The following ZNF713 variants were observed in gnomAD, a reference collection of about 807,000 sequenced individuals.
The protein encoded by ZNF713 is zinc finger protein 713.
ZNF713 carries 21 observed loss-of-function variants against 28.7 expected under a neutral mutation model. The ratio of observed to expected loss-of-function variants is 0.73; its 90% CI spans 0.52 to 1.05. The LOEUF is 1.05. Among genes scored for constraint, ZNF713 ranks in the 50% least tolerant of loss-of-function variants. The pLI is 0.00. For missense variants in ZNF713, 458 were observed against 532.4 expected (o/e 0.86, Z 1.37); for synonymous variants, 167 against 178.0 (o/e 0.94, Z 0.49).
At chr7:55,901,350 G>C (rs1211011174) in intron 1 of ZNF713, among the ~76,000 whole-genome samples, 1 of 152,128 alleles carries the variant, frequency 6.6e-6, no homozygotes, top group Non-Finnish European at 1.5e-5. Flanking sequence ...GCATGGAAGA[G>C]ACCTGCCCCC....
At chr7:55,898,645 A>AT (rs1785517378) in intron 1 of ZNF713, among the ~76,000 whole-genome samples, 1 of 152,214 alleles carries the variant, frequency 6.6e-6, no homozygotes, top group East Asian at 1.9e-4. Flanking sequence ...CCAATTCAAC[A>AT]TGAAATTTCA....
intron 6 of ZNF713, among the ~76,000 whole-genome samples, chr7:55,925,323 G>A (rs1213672025): frequency 1.3e-5 from 2 of 152,096 alleles, no homozygotes; most frequent in African/African-American, 4.8e-5. Context: ...GTGATCTTAG[G>A]TAGAAAACCT....
intron 4 of ZNF713, among the ~76,000 whole-genome samples, chr7:55,914,260 G>T (rs374462895): frequency 6.6e-6 from 1 of 151,898 alleles, no homozygotes; most frequent in Non-Finnish European, 1.5e-5. Context: ...ATCAGATACC[G>T]GTCTCAATTG....
chr7:55,926,303 C>CT (rs1445377506), intron 6 of ZNF713, among the ~76,000 whole-genome samples: 1 of 152,192 alleles, frequency 6.6e-6, no homozygotes, highest in Non-Finnish European at 1.5e-5. Context: ...GAGCGAGACT[C>CT]TGTCTCCAAA....
chr7:55,907,581 A>G (rs1481069920), intron 2 of ZNF713, among the ~76,000 whole-genome samples: 4 of 152,262 alleles, frequency 2.6e-5, no homozygotes, highest in African/African-American at 4.8e-5. Flanking sequence ...TGCACCTAGT[A>G]GGTAATCTTT....
Position 55,892,318 on chromosome 7 carries a change from G to A in ZNF713, c.-583+4638G>A, listed in dbSNP as rs139092520. Among the ~76,000 whole-genome samples the A allele has an allele frequency of 9.0e-4, 131 of 145,990 alleles. 2 individuals are homozygous for A. The highest frequency in any genetic ancestry group is 3.1e-3 in the African/African-American group (123 of 39,278). ...AAAAAAAAAAAACCCCAGGAACAAC[G>A]TGTGAGAGATTTGTGTTCGTGCCAT... On this transcript the variant is annotated intron_variant, in intron 1 of 6. Transcript: ENST00000429591.
intron 4 of ZNF713, among the ~76,000 whole-genome samples, chr7:55,915,775 G>A (rs73132862): frequency 0.025 from 3,758 of 152,282 alleles, 58 homozygotes; most frequent in Non-Finnish European, 0.042. Flanking sequence ...AATACACAAA[G>A]CCTGTGGCCA....
Position 55,923,588 on chromosome 7 carries a change from A to G in ZNF713, c.215-19A>G. ...TTCCCAGTACAAACTCCTAAGATGT[A>G]TGTTACTCCTGTGAATAGGGTATCA... On this transcript the variant is annotated intron_variant, in intron 5 of 6. Coordinates refer to ENST00000429591, the MANE Select transcript of ZNF713 (RefSeq NM_182633.3). The G allele has an allele frequency of 6.4e-7, 1 of 1,569,970 alleles. No individual in the cohort carries two copies. The highest frequency in any genetic ancestry group is 2.3e-5 in the East Asian group (1 of 42,952).
In ZNF713 at chr7:55,939,997, C is replaced by A; in HGVS notation, c.1323C>A (p.Ser441Arg). 1 of 1,568,070 alleles carries A rather than the reference C, an allele frequency of 6.4e-7. No homozygotes were observed. The highest frequency in any genetic ancestry group is 1.2e-5 in the South Asian group (1 of 83,670). ...CTGTTCGCCACAGTCCTTCATTTAG[C>A]AGCACATAACTTATGGTGGGGGAAA... ...EQTVRHSPSF[S>R]ST is the part of the protein sequence containing the mutation. The change falls in exon 7 of 7, where the codon AGC (serine) becomes AGA (arginine). Residue 441 changes from serine (S) to arginine (R), a missense_variant. Coordinates refer to ENST00000429591, the MANE Select transcript of ZNF713 (RefSeq NM_182633.3).
intron 2 of ZNF713, among the ~76,000 whole-genome samples, chr7:55,908,888 T>C (rs1051565927): frequency 1.3e-5 from 2 of 152,034 alleles, no homozygotes; most frequent in African/African-American, 4.8e-5. Flanking sequence ...GTAATACATC[T>C]TGAGTTAATT....
intron 1 of ZNF713, among the ~76,000 whole-genome samples, chr7:55,898,761 G>A (rs559306314): frequency 6.6e-6 from 1 of 152,126 alleles, no homozygotes; most frequent in South Asian, 2.1e-4. Context: ...CAAATGTCCT[G>A]AATAGACATT....
intron 1 of ZNF713, among the ~76,000 whole-genome samples, chr7:55,889,314 C>A (rs185904538): frequency 5.3e-5 from 8 of 152,246 alleles, no homozygotes; most frequent in Middle Eastern, 6.8e-3. Context: ...ATTGGTCAGG[C>A]TGATCTCAAA....
intron 1 of ZNF713, among the ~76,000 whole-genome samples, chr7:55,892,034 C>T (rs1425623110): frequency 6.6e-6 from 1 of 152,098 alleles, no homozygotes; most frequent in African/African-American, 2.4e-5. Flanking sequence ...AATCCCAGCA[C>T]TTTGAGAGGC....
At chr7:55,935,477 T>C (rs1338120917) in intron 6 of ZNF713, among the ~76,000 whole-genome samples, 3 of 152,142 alleles carry the variant, frequency 2.0e-5, no homozygotes, top group Admixed American at 6.6e-5. Context: ...ACTATATATG[T>C]ATAAATACAT....
chr7:55,895,714 C>T (rs933956158), intron 1 of ZNF713, among the ~76,000 whole-genome samples: 2 of 152,120 alleles, frequency 1.3e-5, no homozygotes, highest in South Asian at 4.2e-4. Context: ...GCAATCTGCC[C>T]GCCTTGGCCT....
At chr7:55,938,715 T>C (rs1359650376) in intron 6 of ZNF713, among the ~76,000 whole-genome samples, 7 of 152,188 alleles carry the variant, frequency 4.6e-5, no homozygotes, top group African/African-American at 1.7e-4. Flanking sequence ...GTCCATCTGC[T>C]TTCAAGCATG....
intron 1 of ZNF713, among the ~76,000 whole-genome samples, chr7:55,890,170 C>T (rs1020355867): frequency 2.6e-5 from 4 of 152,138 alleles, no homozygotes; most frequent in African/African-American, 9.7e-5. Flanking sequence ...TAATTACAGG[C>T]CCGGCGCAGT....
intron 1 of ZNF713, among the ~76,000 whole-genome samples, chr7:55,889,601 G>A (rs1470950991): frequency 1.3e-5 from 2 of 152,220 alleles, no homozygotes; most frequent in African/African-American, 4.8e-5. Context: ...GCCGCCATCA[G>A]GAAAATGTTC....
chr7:55,889,396 C>T (rs1165468915), intron 1 of ZNF713, among the ~76,000 whole-genome samples: 1 of 152,048 alleles, frequency 6.6e-6, no homozygotes, highest in Non-Finnish European at 1.5e-5. Context: ...CCACTGCGCC[C>T]GGCCTGATCT....
Sources: allele counts gnomAD v4.1 joint callset (sites outside exome capture counted in the v4.1 genomes callset), GRCh38; gene constraint gnomAD v4.1.1; transcripts MANE v1.5; gene names NCBI Gene and HGNC (gene_info 2026-07-23, HGNC 2026-07-21).